Variants in NSUN5 observed in about 807,000 individuals in gnomAD.
The protein encoded by NSUN5 is NOP2/Sun RNA methyltransferase 5.
NSUN5 carries 39 observed loss-of-function variants against 51.1 expected under a neutral mutation model. The ratio of observed to expected loss-of-function variants is 0.76; its 90% CI spans 0.59 to 1.00. The LOEUF is 1.00. Among genes scored for constraint, NSUN5 ranks in the 50% least tolerant of loss-of-function variants. NSUN5 has a pLI of 0.00. For synonymous variants in NSUN5, 266 were observed against 271.5 expected, an observed-to-expected ratio of 0.98 and a Z score of 0.20; for missense variants, 526 against 614.0, an observed-to-expected ratio of 0.86 and a Z score of 1.51.
Position 73,302,867 on chromosome 7 carries a change from C to T in NSUN5, c.*548G>A. 1 of 1,020,142 alleles carries T rather than the reference C, an allele frequency of 9.8e-7. No individual in the cohort carries two copies. The highest frequency in any genetic ancestry group is 8.6e-5 in the East Asian group (1 of 11,660). 63.2% of individuals were successfully genotyped at this position (1,020,142 alleles called of 1,614,324 possible). ...AGCTCTGATCCTCGTTAATACCTGGCTGCGTGTGCAGCTGAGGAGGGAGTG... is the reference window on the plus strand; with the variant it reads ...AGCTCTGATCCTCGTTAATACCTGGTTGCGTGTGCAGCTGAGGAGGGAGTG... On this transcript the variant is annotated 3_prime_UTR_variant, in exon 10 of 10. Coordinates refer to ENST00000438747, the MANE Select transcript of NSUN5 (RefSeq NM_148956.4).
Position 73,307,679 on chromosome 7 carries a change from G to A in NSUN5, c.295C>T (p.Gln99Ter), listed in dbSNP as rs1554542103. 1.2e-6 allele frequency: 2 copies of A among 1,612,170 alleles called. No individual in the cohort carries two copies. Among genetic ancestry groups the A allele is most frequent in the Non-Finnish European group, 1.7e-6 (2 of 1,179,280 alleles). ...GRWKALLGRH[Q>*]ARLKAELARL... is the part of the protein sequence containing the mutation. ...GCCAACTCAGCCTTGAGCCTCGCCT[G>A]GTGCCGGCCCAACAGAGCCTTCCAT... The change falls in exon 3 of 10, where the codon CAG (glutamine) becomes TAG (stop). Residue 99 changes from glutamine to a stop codon, truncating the protein, a stop_gained. Coordinates refer to ENST00000438747, the MANE Select transcript of NSUN5 (RefSeq NM_148956.4). LOFTEE classifies it high-confidence loss of function.
intron 7 of NSUN5, 96 bp downstream of exon 7, chr7:73,304,134 C>T (rs782512342): frequency 6.4e-7 from 1 of 1,558,810 alleles, no homozygotes; most frequent in Non-Finnish European, 8.7e-7. Context: ...GGGTCCCAAG[C>T]CCATTAGTGT....
chr7:73,304,037 C>G lies in NSUN5; in HGVS notation c.935-1G>C, dbSNP rs1803928185. On this transcript the variant is annotated splice_acceptor_variant, in intron 7 of 9. Coordinates refer to ENST00000438747, the MANE Select transcript of NSUN5 (RefSeq NM_148956.4). LOFTEE classifies it high-confidence loss of function. ...TCCTCCAGCTGTCTGCTCGGCATACCTAAGGAAAAGAGTGTCTCTGTTACA... is the reference window on the plus strand; with the variant it reads ...TCCTCCAGCTGTCTGCTCGGCATACGTAAGGAAAAGAGTGTCTCTGTTACA... 2 of 1,613,906 alleles carry G rather than the reference C, an allele frequency of 1.2e-6. No individual in the cohort carries two copies. Among genetic ancestry groups the G allele is most frequent in the Non-Finnish European group, 8.5e-7 (1 of 1,179,872 alleles).
rs1171396019 is a variant in NSUN5 at position 73,303,228 on chromosome 7, G to A, written c.*187C>T. ...TAAGAATAAAAAACTGTGATCTATC[G>A]TAGAGTACGTTCTGCATTTTATTTT... is the stretch of plus-strand genomic sequence containing the variant. On this transcript the variant is annotated 3_prime_UTR_variant, in exon 10 of 10. Coordinates refer to ENST00000438747, the MANE Select transcript of NSUN5 (RefSeq NM_148956.4). The A allele has an allele frequency of 2.4e-5, 38 of 1,566,920 alleles. No individual in the cohort carries two copies. Among genetic ancestry groups the A allele is most frequent in the Non-Finnish European group, 3.0e-5 (35 of 1,156,474 alleles).
Position 73,308,779 on chromosome 7 carries a change from A to G in NSUN5, c.12T>C (p.Tyr4=), listed in dbSNP as rs782356772. The part of the protein sequence containing the change: MGL[Y]AAAAGVLAGV... ...CGGCCAACACGCCTGCAGCTGCAGC[A>G]TACAGCCCCATGTTCCCGCGCGCCT... The change falls in exon 1 of 10, where the codon TAT becomes TAC. Residue 4 remains tyrosine (Y), a synonymous_variant. Coordinates refer to ENST00000438747, the MANE Select transcript of NSUN5 (RefSeq NM_148956.4). The G allele has an allele frequency of 1.2e-5, 20 of 1,612,990 alleles. No individual in the cohort carries two copies. Among genetic ancestry groups the G allele is most frequent in the Admixed American group, 1.2e-4 (7 of 60,004 alleles).
In NSUN5 at chr7:73,308,500, C is replaced by T. The variant is rs1382036336; in HGVS notation, c.147G>A (p.Val49=). 1 of 1,608,060 alleles carries T rather than the reference C, an allele frequency of 6.2e-7. No homozygotes were observed. Among genetic ancestry groups the T allele is most frequent in the East Asian group, 2.2e-5 (1 of 44,760 alleles). Residue 49 remains valine, a synonymous_variant, in exon 2 of 10, where the codon GTG becomes GTA. Coordinates refer to ENST00000438747, the MANE Select transcript of NSUN5 (RefSeq NM_148956.4). ...CGGCGCTGGCGATCACAGCATCCAG[C>T]ACGGCGGAGTAGCGCTGCGTTTCGC... ...LVCETQRYSA[V]LDAVIASAGL...
chr7:73,308,767 T>C lies in NSUN5; in HGVS notation c.24A>G (p.Ala8=). The C allele has an allele frequency of 6.2e-7, 1 of 1,613,024 alleles. No homozygotes were observed. Among genetic ancestry groups the C allele is most frequent in the Non-Finnish European group, 8.5e-7 (1 of 1,179,832 alleles). The change falls in exon 1 of 10, where the codon GCA becomes GCG. Residue 8 remains alanine, a synonymous_variant. Coordinates refer to ENST00000438747, the MANE Select transcript of NSUN5 (RefSeq NM_148956.4). ...GGCTCTCCACGCCGGCCAACACGCCTGCAGCTGCAGCATACAGCCCCATGT... is the reference window on the plus strand; with the variant it reads ...GGCTCTCCACGCCGGCCAACACGCCCGCAGCTGCAGCATACAGCCCCATGT... The part of the protein sequence containing the change: MGLYAAA[A]GVLAGVESRQ...
rs1554541011 is a variant in NSUN5, at chr7:73,303,419, G to A, written c.1397C>T (p.Thr466Ile). 1 of 1,614,182 alleles carries A rather than the reference G, an allele frequency of 6.2e-7. No individual in the cohort carries two copies. The highest frequency in any genetic ancestry group is 8.5e-7 in the Non-Finnish European group (1 of 1,180,022). ...AAAGACTPPC[T>I] ...GGAGTCAGCCCGGAGCCTCTGCTAT[G>A]TGCAAGGCGGTGTGCAAGCACCGGC... The change falls in exon 10 of 10, where the codon ACA (threonine) becomes ATA (isoleucine). Residue 466 changes from threonine to isoleucine, a missense_variant. Thr to Ile is a moderately conservative substitution (Grantham distance 89, BLOSUM62 -1). Coordinates refer to ENST00000438747, the MANE Select transcript of NSUN5 (RefSeq NM_148956.4).
chr7:73,304,821 G>A lies in NSUN5; in HGVS notation c.681C>T (p.Gly227=). Residue 227 remains glycine, a synonymous_variant, in exon 6 of 10, where the codon GGC becomes GGT. Transcript: ENST00000438747. Reference sequence around the variant, plus strand: ...CGGCACAGGCATCGATGACATGGGAGCCTGGCGGGGGGTCCAGCAGCATGG... The same window carrying A: ...CGGCACAGGCATCGATGACATGGGAACCTGGCGGGGGGTCCAGCAGCATGG... The part of the protein sequence containing the change: ...LPAMLLDPPP[G]SHVIDACAAP... 1.9e-6 allele frequency: 3 copies of A among 1,613,954 alleles called. No individual in the cohort carries two copies. Among genetic ancestry groups the A allele is most frequent in the Non-Finnish European group, 2.5e-6 (3 of 1,179,860 alleles).
In NSUN5 at chr7:73,302,827, C is replaced by T. The variant is rs1318824915; in HGVS notation, c.*588G>A. 2.0e-6 allele frequency: 2 copies of T among 993,276 alleles called. No individual in the cohort carries two copies. The highest frequency in any genetic ancestry group is 1.2e-6 in the Non-Finnish European group (1 of 833,900). The allele number at this position is 993,276 out of a possible 1,614,324, so 61.5% of individuals were successfully genotyped here. On this transcript the variant is annotated 3_prime_UTR_variant, in exon 10 of 10. Coordinates refer to ENST00000438747, the MANE Select transcript of NSUN5 (RefSeq NM_148956.4). ...GTGAGTGGTGGTGGGGCTGCTCCTT[C>T]CCACCCCTCAGAACAGCTCTGATCC...
rs782586601 is a variant in NSUN5, at chr7:73,303,776, G to A, written c.1146-36C>T. The A allele has an allele frequency of 2.3e-5, 37 of 1,613,546 alleles. No individual in the cohort carries two copies. In the South Asian group the frequency reaches 3.7e-4, roughly 16 times the overall value. ...AACGGCCCCAATGCTGGGTAAGAGA[G>A]CAGCTCACCCCGTCCCCCACTCCCC... On this transcript the variant is annotated intron_variant, in intron 8 of 9. Transcript: ENST00000438747.
chr7:73,304,063 T>A lies in NSUN5; in HGVS notation c.935-27A>T, dbSNP rs782443857. 1.9e-6 allele frequency: 3 copies of A among 1,610,152 alleles called. No individual in the cohort carries two copies. The South Asian group carries it at 3.3e-5, about 18-fold the overall frequency. Reference sequence around the variant, plus strand: ...TAAGGAAAAGAGTGTCTCTGTTACATAGCTTCACAGGCTACCTCAGTCCTG... The same window carrying A: ...TAAGGAAAAGAGTGTCTCTGTTACAAAGCTTCACAGGCTACCTCAGTCCTG... On this transcript the variant is annotated intron_variant, in intron 7 of 9. Transcript: ENST00000438747.
chr7:73,303,548 T>C lies in NSUN5; in HGVS notation c.1287-19A>G. 2 of 1,613,800 alleles carry C rather than the reference T, an allele frequency of 1.2e-6. No homozygotes were observed. Among genetic ancestry groups the C allele is most frequent in the Middle Eastern group, 1.7e-4 (1 of 6,060 alleles). On this transcript the variant is annotated intron_variant, in intron 9 of 9. Transcript: ENST00000438747. The stretch of plus-strand genomic sequence containing the variant: ...GGCTGAGCTAGAGAAGTGTAGATGT[T>C]AGATGTGCCGGTGCCATCCTGCGCC...
At position 73,303,167 on chromosome 7, in the gene NSUN5, A is replaced by G; in HGVS notation, c.*248T>C. On this transcript the variant is annotated 3_prime_UTR_variant, in exon 10 of 10. Coordinates refer to ENST00000438747, the MANE Select transcript of NSUN5 (RefSeq NM_148956.4). ...CCTGTTGAGTCTAGTTGGAACTTTT[A>G]GTATGAATGTGAGATTTTTCTCCTG... 6.9e-7 allele frequency: 1 copy of G among 1,451,286 alleles called. No individual in the cohort carries two copies. Among genetic ancestry groups the G allele is most frequent in the Non-Finnish European group, 9.1e-7 (1 of 1,103,980 alleles). 89.9% of individuals were successfully genotyped at this position (1,451,286 alleles called of 1,614,324 possible). A position where few individuals can be genotyped will look rare whatever the true frequency, so the allele number is the denominator to read the frequency against.
Position 73,307,686 on chromosome 7 carries a change from G to T in NSUN5, c.288C>A (p.Gly96=), listed in dbSNP as rs578250872. ...CAGCCTTGAGCCTCGCCTGGTGCCG[G>T]CCCAACAGAGCCTTCCATCGGCCCC... ...GGGGRWKALL[G]RHQARLKAEL... is the part of the protein sequence containing the mutation. Residue 96 remains glycine, a synonymous_variant, in exon 3 of 10, where the codon GGC becomes GGA. Coordinates refer to ENST00000438747, the MANE Select transcript of NSUN5 (RefSeq NM_148956.4). 1.1e-5 allele frequency: 17 copies of T among 1,610,666 alleles called. No homozygotes were observed. The highest frequency in any genetic ancestry group is 1.7e-5 in the Admixed American group (1 of 59,428).
chr7:73,304,639 T>G, intron 6 of NSUN5, 108 bp downstream of exon 6: 1 of 1,039,742 alleles, frequency 9.6e-7, no homozygotes, highest in Non-Finnish European at 1.5e-6. Context: ...TGAACTGCTT[T>G]GGTGCAGCAA....
chr7:73,308,668 A>G (rs1427044175), intron 1 of NSUN5, 30 bp downstream of exon 1: 13 of 978,656 alleles, frequency 1.3e-5, no homozygotes, highest in Non-Finnish European at 1.7e-5. Context: ...CTCACTCCCC[A>G]CCCCTACTAC....
rs532164466 is a variant in NSUN5, at chr7:73,302,770, T to C, written c.*645A>G. ...ATAAATAATGTGATGTAAATGTAAC[T>C]GGTGCCCCCTCCCCGATGTGACTGA... On this transcript the variant is annotated 3_prime_UTR_variant, in exon 10 of 10. Transcript: ENST00000438747. 1 of 984,012 alleles carries C rather than the reference T, an allele frequency of 1.0e-6. No homozygotes were observed. The highest frequency in any genetic ancestry group is 4.7e-5 in the South Asian group (1 of 21,356). 61.0% of individuals were successfully genotyped at this position (984,012 alleles called of 1,614,324 possible).
At chr7:73,305,533 C>T (rs1228483741) in intron 4 of NSUN5, among the ~76,000 whole-genome samples, 4 of 147,308 alleles carry the variant, frequency 2.7e-5, no homozygotes, top group Non-Finnish European at 5.9e-5. Context: ...GGCGCGATCT[C>T]GGCTCACTGC....
Sources: gnomAD v4.1 joint callset for allele counts (sites outside exome capture counted in the v4.1 genomes callset) on GRCh38, gnomAD v4.1.1 for gene constraint, MANE v1.5 for transcripts, NCBI Gene and HGNC (gene_info 2026-07-23, HGNC 2026-07-21) for gene names.